The following MDGA2 variants were observed in gnomAD, a reference collection of about 807,000 sequenced individuals.
MDGA2 encodes MAM domain-containing glycosylphosphatidylinositol anchor protein 2.
Under a neutral mutation model 117.8 loss-of-function variants are expected in MDGA2, and 40 were observed. The observed-to-expected ratio is 0.34, with a 90% CI of 0.26 to 0.44. The LOEUF is 0.44. Among genes scored for constraint, MDGA2 ranks in the 20% least tolerant of loss-of-function variants. MDGA2 has a pLI of 1.00. For missense variants in MDGA2, 1,123 were observed against 1,250.6 expected, an observed-to-expected ratio of 0.90 and a Z score of 1.54; for synonymous variants, 452 against 439.0, an observed-to-expected ratio of 1.03 and a Z score of -0.37.
At chr14:47,098,446 A>G (rs1298265248) in intron 5 of MDGA2, among the ~76,000 whole-genome samples, 2 of 151,856 alleles carry the variant, frequency 1.3e-5, no homozygotes, top group East Asian at 3.9e-4. Flanking sequence ...CTGAGGAGTT[A>G]ATATGAAATT....
intron 1 of MDGA2, among the ~76,000 whole-genome samples, chr14:47,633,467 T>C (rs1897273029): frequency 6.6e-6 from 1 of 152,210 alleles, no homozygotes; most frequent in South Asian, 2.1e-4. Context: ...TCAGGGATAA[T>C]CTCTAACACT....
intron 2 of MDGA2, among the ~76,000 whole-genome samples, chr14:47,219,098 AGTTT>A (rs1235019269): frequency 2.0e-5 from 3 of 152,048 alleles, no homozygotes; most frequent in African/African-American, 7.2e-5. Context: ...TATATATTTT[AGTTT>A]GTTTTTAAGG....
intron 1 of MDGA2, among the ~76,000 whole-genome samples, chr14:47,597,652 A>G (rs1241367361): frequency 1.3e-5 from 2 of 152,096 alleles, no homozygotes; most frequent in East Asian, 3.9e-4. Flanking sequence ...TTGAATCACA[A>G]TAGACCTTTG....
chr14:47,229,703 T>G (rs1886625000), intron 2 of MDGA2, among the ~76,000 whole-genome samples: 1 of 151,678 alleles, frequency 6.6e-6, no homozygotes. Context: ...AAATAAACTA[T>G]TCATTAAAAA....
chr14:47,388,700 T>A (rs1450265894), intron 1 of MDGA2, among the ~76,000 whole-genome samples: 2 of 152,118 alleles, frequency 1.3e-5, no homozygotes, highest in Non-Finnish European at 2.9e-5. Context: ...TCTTCTATCA[T>A]GCTTAGAAAT....
chr14:47,383,578 G>T (rs34624448), intron 1 of MDGA2, among the ~76,000 whole-genome samples: 39,816 of 151,920 alleles, frequency 0.26, 5,557 homozygotes, highest in Middle Eastern at 0.41. Flanking sequence ...TCACTTTCTC[G>T]CCCAGGCTGG....
At chr14:47,046,452 T>A (rs1355605454) in intron 7 of MDGA2, among the ~76,000 whole-genome samples, 1 of 151,032 alleles carries the variant, frequency 6.6e-6, no homozygotes, top group East Asian at 2.0e-4. Context: ...GGGCCTGTCA[T>A]GGGGTTGGGG....
intron 1 of MDGA2, among the ~76,000 whole-genome samples, chr14:47,534,968 C>T (rs896908634): frequency 6.6e-6 from 1 of 152,120 alleles, no homozygotes; most frequent in African/African-American, 2.4e-5. Flanking sequence ...TTTTTGAATG[C>T]CACTCAGCTA....
chr14:47,277,880 C>T (rs1259904455), intron 2 of MDGA2, among the ~76,000 whole-genome samples: 5 of 152,106 alleles, frequency 3.3e-5, no homozygotes, highest in African/African-American at 1.2e-4. Context: ...TGGCTAGGAA[C>T]CTCACCCTAA....
intron 1 of MDGA2, among the ~76,000 whole-genome samples, chr14:47,472,396 C>G (rs1893746784): frequency 6.6e-6 from 1 of 152,136 alleles, no homozygotes; most frequent in Non-Finnish European, 1.5e-5. Flanking sequence ...ATCTGTGCAG[C>G]AAGTTACTGT....
At position 46,962,653 on chromosome 14, in the gene MDGA2, T is replaced by C. The variant is rs371291908; in HGVS notation, c.1820-5010A>G. On this transcript the variant is annotated intron_variant, in intron 8 of 16. Transcript: ENST00000399232. ...ATTGTCCAGATTTTAGTTGTTTACA[T>C]TGGAGAGATTTTACATAATATTTTG... Among the ~76,000 whole-genome samples, 128 of 152,278 alleles carry C rather than the reference T, an allele frequency of 8.4e-4. 1 individual carries two copies. The highest frequency in any genetic ancestry group is 2.9e-3 in the African/African-American group (121 of 41,534).
At position 47,654,334 on chromosome 14, in the gene MDGA2, C is replaced by A. The variant is rs185037730; in HGVS notation, c.280+20183G>T. On this transcript the variant is annotated intron_variant, in intron 1 of 16. Coordinates refer to ENST00000399232, the MANE Select transcript of MDGA2 (RefSeq NM_001113498.3). ...GGACACTAGGTGCCTACAGAAGTCT[C>A]CCTGTTAAGAGACTAGTGTTTCCTG... Among the ~76,000 whole-genome samples the A allele has an allele frequency of 1.7e-3, 259 of 152,152 alleles. 1 individual carries two copies. Among genetic ancestry groups the A allele is most frequent in the Middle Eastern group, 3.4e-3 (1 of 294 alleles).
At chr14:46,949,659 C>T (rs1160958333) in intron 9 of MDGA2, among the ~76,000 whole-genome samples, 1 of 151,934 alleles carries the variant, frequency 6.6e-6, no homozygotes, top group Non-Finnish European at 1.5e-5. Context: ...CTTCCAGCTC[C>T]ATCCATGTTG....
chr14:47,161,625 G>T (rs184197927), intron 3 of MDGA2, among the ~76,000 whole-genome samples: 18 of 151,304 alleles, frequency 1.2e-4, no homozygotes, highest in African/African-American at 2.7e-4. Flanking sequence ...CATTTCCAAG[G>T]TGATTAATTT....
At chr14:47,571,319 G>C (rs1186149593) in intron 1 of MDGA2, among the ~76,000 whole-genome samples, 2 of 152,190 alleles carry the variant, frequency 1.3e-5, no homozygotes, top group African/African-American at 4.8e-5. Context: ...GTGTAAATTA[G>C]TTCAACCATT....
rs188172647 is a variant in MDGA2 at position 47,672,894 on chromosome 14, C to A, written c.280+1623G>T. Among the ~76,000 whole-genome samples the A allele has an allele frequency of 3.9e-5, 6 of 152,268 alleles. No individual in the cohort carries two copies. The East Asian group carries it at 5.8e-4, about 15-fold the overall frequency. Reference sequence around the variant, plus strand: ...AATTCCTACTCTTTTCAGGCCCCACCTCCTGTTGTCAGTCAAACCTTGAGG... The same window carrying A: ...AATTCCTACTCTTTTCAGGCCCCACATCCTGTTGTCAGTCAAACCTTGAGG... On this transcript the variant is annotated intron_variant, in intron 1 of 16. Coordinates refer to ENST00000399232, the MANE Select transcript of MDGA2 (RefSeq NM_001113498.3).
chr14:47,437,563 C>T (rs1248104667), intron 1 of MDGA2, among the ~76,000 whole-genome samples: 2 of 152,094 alleles, frequency 1.3e-5, no homozygotes, highest in Admixed American at 6.6e-5. Context: ...AATCCACCCA[C>T]AGTTTGTAAA....
At chr14:47,305,536 C>T (rs1361642357) in intron 1 of MDGA2, among the ~76,000 whole-genome samples, 1 of 152,138 alleles carries the variant, frequency 6.6e-6, no homozygotes, top group Non-Finnish European at 1.5e-5. Flanking sequence ...TTAGAATATA[C>T]TTTTGAAAGT....
chr14:47,197,520 T>C (rs1285359083), intron 3 of MDGA2, among the ~76,000 whole-genome samples: 1 of 152,166 alleles, frequency 6.6e-6, no homozygotes, highest in Non-Finnish European at 1.5e-5. Flanking sequence ...CAGTCATCTA[T>C]GGTATTGTTT....
Sources: gnomAD v4.1 joint callset for allele counts (sites outside exome capture counted in the v4.1 genomes callset) on GRCh38, gnomAD v4.1.1 for gene constraint, MANE v1.5 for transcripts, NCBI Gene and HGNC (gene_info 2026-07-23, HGNC 2026-07-21) for gene names.